EYS: variants seen among roughly 807,000 people sequenced by gnomAD.
EYS encodes the protein protein eyes shut homolog.
Under a neutral mutation model 282.1 loss-of-function variants are expected in EYS, and 250 were observed. The ratio of observed to expected loss-of-function variants is 0.89; its 90% CI spans 0.80 to 0.98. The LOEUF (loss-of-function observed/expected upper bound fraction) is 0.98. Among genes scored for constraint, EYS ranks in the 50% least tolerant of loss-of-function variants. The probability of loss-of-function intolerance (pLI) is 0.00; values close to 1 mark genes in which losing one functional copy is unlikely to be tolerated. For missense variants in EYS, 4,016 were observed against 3,709.0 expected (o/e 1.08, Z -2.15); for synonymous variants, 1,355 against 1,282.9 (o/e 1.06, Z -1.20).
chr6:64,373,008 T>A (rs183893747), intron 29 of EYS, among the ~76,000 whole-genome samples: 43 of 152,328 alleles, frequency 2.8e-4, no homozygotes, highest in Admixed American at 2.4e-3. Flanking sequence ...TTTGACTCTC[T>A]CCTGTATGTT....
chr6:65,674,508 A>C lies in EYS; in HGVS notation c.-448+32627T>G, dbSNP rs546083019. Among the ~76,000 whole-genome samples, 3 of 151,416 alleles carry C rather than the reference A, an allele frequency of 2.0e-5. No homozygotes were observed. The South Asian group carries it at 6.2e-4, about 31-fold the overall frequency. On this transcript the variant is annotated intron_variant, in intron 1 of 42. Transcript: ENST00000503581. ...ACAATAAAAGTGATTCATTATATAC[A>C]AGAAATCCTCCATAAAACTAACACA...
chr6:64,806,340 C>T (rs988703421), intron 22 of EYS, among the ~76,000 whole-genome samples: 1 of 151,888 alleles, frequency 6.6e-6, no homozygotes, highest in African/African-American at 2.4e-5. Flanking sequence ...CCTAACTTCT[C>T]TTAGTCTTTA....
At chr6:64,440,987 C>A (rs1259883488) in intron 26 of EYS, among the ~76,000 whole-genome samples, 1 of 152,084 alleles carries the variant, frequency 6.6e-6, no homozygotes, top group Admixed American at 6.6e-5. Flanking sequence ...AACATGAATT[C>A]TGCTAAAATT....
chr6:64,032,569 C>T (rs2149830892), intron 33 of EYS, among the ~76,000 whole-genome samples: 1 of 152,266 alleles, frequency 6.6e-6, no homozygotes, highest in Non-Finnish European at 1.5e-5. Flanking sequence ...GGGCTCAGGC[C>T]CACAAGACTA....
At chr6:65,148,817 G>A (rs904305043) in intron 12 of EYS, among the ~76,000 whole-genome samples, 7 of 151,978 alleles carry the variant, frequency 4.6e-5, no homozygotes, top group African/African-American at 9.7e-5. Context: ...CCCAAACCTC[G>A]CTTGACTTCT....
At chr6:65,309,983 C>T (rs572541141) in intron 11 of EYS, among the ~76,000 whole-genome samples, 6 of 152,294 alleles carry the variant, frequency 3.9e-5, no homozygotes, top group Non-Finnish European at 8.8e-5. Flanking sequence ...TTGATCCTTT[C>T]AGTATGCATT....
At chr6:64,281,494 G>A (rs371624377) in intron 30 of EYS, among the ~76,000 whole-genome samples, 42 of 152,136 alleles carry the variant, frequency 2.8e-4, no homozygotes, top group African/African-American at 9.6e-4. Flanking sequence ...ACCAAATCAG[G>A]ATAGGCAAGT....
At chr6:63,939,380 A>G (rs556807732) in intron 35 of EYS, among the ~76,000 whole-genome samples, 2 of 152,316 alleles carry the variant, frequency 1.3e-5, no homozygotes, top group South Asian at 4.1e-4. Flanking sequence ...ACAAAGAAAT[A>G]CCAGTTGGAA....
In EYS at chr6:65,019,530, A is replaced by G. The variant is rs551000229; in HGVS notation, c.2138-21827T>C. Among the ~76,000 whole-genome samples the G allele has an allele frequency of 3.9e-5, 6 of 152,330 alleles. No individual in the cohort carries two copies. In the East Asian group the frequency reaches 1.2e-3, roughly 29 times the overall value. ...TGATACCTAACATAGAGATAATAACATCACACAACTCATAGGTTTGTAGTA... is the reference window on the plus strand; with the variant it reads ...TGATACCTAACATAGAGATAATAACGTCACACAACTCATAGGTTTGTAGTA... On this transcript the variant is annotated intron_variant, in intron 13 of 42. Coordinates refer to ENST00000503581, the MANE Select transcript of EYS (RefSeq NM_001142800.2).
chr6:63,965,228 C>G (rs1003754670), intron 35 of EYS, among the ~76,000 whole-genome samples: 2 of 152,084 alleles, frequency 1.3e-5, no homozygotes, highest in Non-Finnish European at 2.9e-5. Context: ...ATAATTCTTA[C>G]TTTGTGTAAG....
chr6:64,008,715 T>C (rs1324835555), intron 33 of EYS, among the ~76,000 whole-genome samples: 3 of 152,238 alleles, frequency 2.0e-5, no homozygotes, highest in Non-Finnish European at 4.4e-5. Context: ...ATTTCTTCTT[T>C]GCTTTTAAAC....
chr6:65,273,448 A>T (rs1204139049), intron 12 of EYS, among the ~76,000 whole-genome samples: 1 of 151,540 alleles, frequency 6.6e-6, no homozygotes, highest in Non-Finnish European at 1.5e-5. Flanking sequence ...CAAGGGTTAC[A>T]AAGAAAAGAA....
intron 15 of EYS, among the ~76,000 whole-genome samples, chr6:64,931,555 T>C (rs542333215): frequency 2.7e-4 from 41 of 152,216 alleles, no homozygotes; most frequent in African/African-American, 9.9e-4. Context: ...ATGGAATTAG[T>C]TGATATCCAG....
At chr6:63,972,573 G>C (rs1766629407) in intron 35 of EYS, among the ~76,000 whole-genome samples, 1 of 151,990 alleles carries the variant, frequency 6.6e-6, no homozygotes, top group Admixed American at 6.6e-5. Flanking sequence ...TAAGTTCCTG[G>C]ATACATGTGC....
chr6:65,250,909 T>C (rs1767304285), intron 12 of EYS, among the ~76,000 whole-genome samples: 2 of 151,754 alleles, frequency 1.3e-5, no homozygotes, highest in Admixed American at 1.3e-4. Context: ...TACCTTAATG[T>C]AAAATTTAGT....
chr6:65,285,678 T>C (rs1768343041), intron 12 of EYS, among the ~76,000 whole-genome samples: 1 of 151,942 alleles, frequency 6.6e-6, no homozygotes, highest in African/African-American at 2.4e-5. Flanking sequence ...AAATATAAAT[T>C]GTATAGTGTC....
chr6:64,963,041 G>A (rs2150107022), intron 14 of EYS, among the ~76,000 whole-genome samples: 1 of 152,222 alleles, frequency 6.6e-6, no homozygotes, highest in South Asian at 2.1e-4. Flanking sequence ...TAAAAGATAT[G>A]CATATGAATG....
intron 2 of EYS, among the ~76,000 whole-genome samples, chr6:65,541,087 C>CT (rs35370331): frequency 0.74 from 112,994 of 151,952 alleles, 42,757 homozygotes; most frequent in African/African-American, 0.88. Flanking sequence ...CTTGCTGACA[C>CT]TTTTTTTCCT....
At chr6:65,034,122 G>A (rs1400140578) in intron 13 of EYS, among the ~76,000 whole-genome samples, 1 of 152,116 alleles carries the variant, frequency 6.6e-6, no homozygotes, top group African/African-American at 2.4e-5. Flanking sequence ...CTTTCTTTTG[G>A]CTAATTTCTC....
Sources: allele counts gnomAD v4.1 joint callset (sites outside exome capture counted in the v4.1 genomes callset), GRCh38; gene constraint gnomAD v4.1.1; transcripts MANE v1.5; gene names NCBI Gene and HGNC (gene_info 2026-07-23, HGNC 2026-07-21).